MKLN1: variants seen among roughly 807,000 people sequenced by gnomAD.
MKLN1 encodes muskelin.
In MKLN1, 18 loss-of-function variants were observed where a neutral mutation model predicts 99.0. The ratio of observed to expected loss-of-function variants is 0.18; its 90% confidence interval spans 0.13 to 0.27. MKLN1 has a LOEUF of 0.27. MKLN1 is among the 10% of genes least tolerant of loss of function. The pLI is 1.00. For missense variants in MKLN1, 621 were observed against 875.9 expected, an observed-to-expected ratio of 0.71 and a Z score of 3.67; for synonymous variants, 288 against 293.2, an observed-to-expected ratio of 0.98 and a Z score of 0.18.
intron 8 of MKLN1, among the ~76,000 whole-genome samples, chr7:131,416,718 G>T (rs997903195): frequency 6.6e-6 from 1 of 151,754 alleles, no homozygotes; most frequent in Non-Finnish European, 1.5e-5. Context: ...TGACTGTCTC[G>T]TGACTGTAGT....
intron 2 of MKLN1, among the ~76,000 whole-genome samples, chr7:131,181,630 G>C (rs1584813866): frequency 6.6e-6 from 1 of 151,532 alleles, no homozygotes; most frequent in Non-Finnish European, 1.5e-5. Context: ...TTTGAGACCA[G>C]CCTGGCCAAC....
chr7:131,181,431 G>A (rs1360963856), intron 2 of MKLN1, among the ~76,000 whole-genome samples: 1 of 152,190 alleles, frequency 6.6e-6, no homozygotes, highest in Non-Finnish European at 1.5e-5. Context: ...CTTCAGGCCA[G>A]GCGCAGTGAC....
chr7:131,192,528 A>C (rs1796582961), intron 2 of MKLN1, among the ~76,000 whole-genome samples: 1 of 141,664 alleles, frequency 7.1e-6, no homozygotes, highest in Non-Finnish European at 1.5e-5. Context: ...ATATTTACAT[A>C]TATATAAATA....
intron 12 of MKLN1, among the ~76,000 whole-genome samples, chr7:131,456,000 C>T (rs1051109127): frequency 6.6e-6 from 1 of 151,526 alleles, no homozygotes; most frequent in Admixed American, 6.6e-5. Context: ...GAACTGAATT[C>T]ACATTATTGC....
At chr7:131,455,291 A>G (rs1369061392) in intron 12 of MKLN1, among the ~76,000 whole-genome samples, 1 of 152,176 alleles carries the variant, frequency 6.6e-6, no homozygotes, top group Non-Finnish European at 1.5e-5. Context: ...CTTTATGTTA[A>G]ATATTCTGAC....
At chr7:131,450,086 C>A (rs192303546) in intron 12 of MKLN1, among the ~76,000 whole-genome samples, 6 of 152,206 alleles carry the variant, frequency 3.9e-5, no homozygotes, top group Admixed American at 2.6e-4. Context: ...TCTCTATTCC[C>A]ATTGCTGCTT....
chr7:131,273,037 G>T (rs751022175), intron 3 of MKLN1, among the ~76,000 whole-genome samples: 4 of 152,214 alleles, frequency 2.6e-5, no homozygotes, highest in Non-Finnish European at 5.9e-5. Flanking sequence ...AGAACCAGAA[G>T]ATATCACAGT....
intron 7 of MKLN1, among the ~76,000 whole-genome samples, chr7:131,412,727 G>A (rs1794914608): frequency 6.6e-6 from 1 of 152,194 alleles, no homozygotes; most frequent in African/African-American, 2.4e-5. Context: ...TAACATAGTG[G>A]AAAGTGTAGC....
intron 1 of MKLN1, among the ~76,000 whole-genome samples, chr7:131,140,119 G>A (rs541813561): frequency 4.6e-5 from 7 of 152,232 alleles, no homozygotes; most frequent in South Asian, 2.1e-4. Flanking sequence ...CTGCCTCCCC[G>A]GACCCTGCTC....
intron 8 of MKLN1, among the ~76,000 whole-genome samples, chr7:131,419,252 G>GTTTTTT (rs11482221): frequency 2.6e-5 from 3 of 115,542 alleles, no homozygotes; most frequent in Non-Finnish European, 3.4e-5. Flanking sequence ...ATATATTTTT[G>GTTTTTT]TTTTTTTTTT....
intron 12 of MKLN1, among the ~76,000 whole-genome samples, chr7:131,454,849 C>T (rs1468180578): frequency 6.6e-6 from 1 of 152,066 alleles, no homozygotes; most frequent in Non-Finnish European, 1.5e-5. Context: ...GGATGTGATG[C>T]TTAGAGTTGG....
At chr7:131,472,693 G>A (rs1796852908) in intron 16 of MKLN1, among the ~76,000 whole-genome samples, 1 of 152,090 alleles carries the variant, frequency 6.6e-6, no homozygotes, top group Non-Finnish European at 1.5e-5. Flanking sequence ...GCTCACGCCT[G>A]TAATCCCAGC....
chr7:131,467,433 A>G (rs1233063544), intron 15 of MKLN1, among the ~76,000 whole-genome samples: 1 of 152,196 alleles, frequency 6.6e-6, no homozygotes, highest in African/African-American at 2.4e-5. Flanking sequence ...GGGTGGGAAT[A>G]TAGTTTTAAA....
chr7:131,446,263 G>GGT (rs1046434800), intron 12 of MKLN1, among the ~76,000 whole-genome samples: 3 of 152,104 alleles, frequency 2.0e-5, no homozygotes, highest in Admixed American at 6.5e-5. Flanking sequence ...AGCATAGTAG[G>GGT]GTGTGTGTCT....
At chr7:131,353,916 A>AAG (rs1799796145) in intron 1 of MKLN1, among the ~76,000 whole-genome samples, 1 of 151,030 alleles carries the variant, frequency 6.6e-6, no homozygotes, top group Non-Finnish European at 1.5e-5. Flanking sequence ...AAAAAAAAAA[A>AAG]AAAAAAAACC....
At chr7:131,480,445 G>A (rs1245035399) in intron 17 of MKLN1, among the ~76,000 whole-genome samples, 1 of 152,116 alleles carries the variant, frequency 6.6e-6, no homozygotes, top group Admixed American at 6.5e-5. Context: ...AAAAATAGAG[G>A]TGTTCTTGAG....
intron 2 of MKLN1, among the ~76,000 whole-genome samples, chr7:131,196,749 T>C (rs1477966679): frequency 1.3e-5 from 2 of 152,342 alleles, no homozygotes; most frequent in East Asian, 3.9e-4. Context: ...TAGCTTGCTC[T>C]GTACATTATC....
intron 3 of MKLN1, among the ~76,000 whole-genome samples, chr7:131,220,422 A>G (rs1797043824): frequency 7.0e-6 from 1 of 143,602 alleles, no homozygotes; most frequent in African/African-American, 2.5e-5. Flanking sequence ...GTATACATGT[A>G]ACCGTAATAG....
intron 3 of MKLN1, among the ~76,000 whole-genome samples, chr7:131,257,956 C>CA (rs1483116512): frequency 2.0e-5 from 3 of 151,826 alleles, no homozygotes; most frequent in Non-Finnish European, 4.4e-5. Flanking sequence ...CCCATATCTA[C>CA]AAAAACATTT....
Sources: allele counts gnomAD v4.1 joint callset (sites outside exome capture counted in the v4.1 genomes callset), GRCh38; gene constraint gnomAD v4.1.1; transcripts MANE v1.5; gene names NCBI Gene and HGNC (gene_info 2026-07-23, HGNC 2026-07-21).